The following GON4L variants were observed in gnomAD, a reference collection of about 807,000 sequenced individuals.
GON4L encodes the protein gon-4 like, also known as GON-4-like protein.
In GON4L, 87 loss-of-function variants were observed where a neutral mutation model predicts 211.8. That is an observed-to-expected ratio of 0.41 (90% CI 0.35 to 0.49). The LOEUF is 0.49. Among genes scored for constraint, GON4L ranks in the 20% least tolerant of loss-of-function variants. The pLI is 0.15. For synonymous variants in GON4L, 875 were observed against 962.6 expected (o/e 0.91, Z 1.68); for missense variants, 2,155 against 2,659.5 (o/e 0.81, Z 4.17).
chr1:155,808,371 C>T (rs576094346), intron 10 of GON4L, among the ~76,000 whole-genome samples: 3 of 152,244 alleles, frequency 2.0e-5, no homozygotes, highest in South Asian at 2.1e-4. Context: ...AATCTACACC[C>T]CTTATCATGG....
chr1:155,804,808 T>C (rs822016), intron 11 of GON4L, 141 bp downstream of exon 11: 651,551 of 701,396 alleles, frequency 0.93, 305,046 homozygotes, highest in East Asian at 1. Flanking sequence ...AAAAATTAAC[T>C]ACTGATTTAA....
At chr1:155,749,357 T>C (rs1660383667), downstream of GON4L, 1 of 1,610,046 alleles carries the variant, frequency 6.2e-7, no homozygotes. Context: ...CTCCACCCTC[T>C]GCCCTTCATG....
chr1:155,774,875 A>G lies in GON4L; in HGVS notation c.2350+127T>C. Reference sequence around the variant, plus strand: ...AGTACAAAGGGAGGATAAAAGAGAGAAGGAAGAAATTACAAATGTCCTGTG... The same window carrying G: ...AGTACAAAGGGAGGATAAAAGAGAGGAGGAAGAAATTACAAATGTCCTGTG... On this transcript the variant is annotated intron_variant, in intron 17 of 31. Coordinates refer to ENST00000368331, the MANE Select transcript of GON4L (RefSeq NM_001282860.2). 3.0e-6 allele frequency: 3 copies of G among 986,394 alleles called. No individual in the cohort carries two copies. In the South Asian group the frequency reaches 4.2e-5, roughly 14 times the overall value. 61.1% of individuals were successfully genotyped at this position (986,394 alleles called of 1,614,324 possible).
chr1:155,795,167 G>C lies in GON4L; in HGVS notation c.1646-16C>G. 1 of 1,277,490 alleles carries C rather than the reference G, an allele frequency of 7.8e-7. No homozygotes were observed. Among genetic ancestry groups the C allele is most frequent in the Non-Finnish European group, 1.1e-6 (1 of 873,210 alleles). The allele number at this position is 1,277,490 out of a possible 1,614,324, so 79.1% of individuals were successfully genotyped here. A position where few individuals can be genotyped will look rare whatever the true frequency, so the allele number is the denominator to read the frequency against. ...TCTGCTTCATCTAGGAAAAAAAAGT[G>C]TTTCAGATGCTCATTAACTCTGTTC... On this transcript the variant is annotated splice_polypyrimidine_tract_variant and intron_variant, in intron 11 of 31. Coordinates refer to ENST00000368331, the MANE Select transcript of GON4L (RefSeq NM_001282860.2).
intron 2 of GON4L, among the ~76,000 whole-genome samples, chr1:155,848,147 C>T (rs1028850756): frequency 6.6e-6 from 1 of 152,188 alleles, no homozygotes; most frequent in African/African-American, 2.4e-5. Flanking sequence ...ATTTCCTGTA[C>T]TCTGCTGCTC....
intron 3 of GON4L, among the ~76,000 whole-genome samples, chr1:155,822,917 T>C (rs967394389): frequency 6.6e-6 from 1 of 152,220 alleles, no homozygotes; most frequent in Non-Finnish European, 1.5e-5. Context: ...TGCCTCAGCC[T>C]CCCGAGTAGC....
intron 24 of GON4L, among the ~76,000 whole-genome samples, chr1:155,758,675 T>A (rs1411790754): frequency 6.6e-6 from 1 of 152,082 alleles, no homozygotes; most frequent in Non-Finnish European, 1.5e-5. Flanking sequence ...GGTCAAGAGT[T>A]CGAGACCAGC....
At chr1:155,792,561 G>A (rs1024660167) in intron 12 of GON4L, among the ~76,000 whole-genome samples, 1 of 152,140 alleles carries the variant, frequency 6.6e-6, no homozygotes, top group Non-Finnish European at 1.5e-5. Flanking sequence ...AAAAAGAGTG[G>A]TACGGGAATG....
At chr1:155,855,871 T>C (rs966915294) in intron 1 of GON4L, among the ~76,000 whole-genome samples, 1 of 150,926 alleles carries the variant, frequency 6.6e-6, no homozygotes, top group African/African-American at 2.4e-5. Context: ...AGTCCCAGCT[T>C]CTTGGGAGGC....
Position 155,820,632 on chromosome 1 carries a change from G to A in GON4L, c.988C>T (p.Leu330=), listed in dbSNP as rs1668644340. ...ACTCCTTTTTCCACTACTTCCTTCA[G>A]TTTAGAGCGTGTCATTTTAGGCTCC... is the stretch of plus-strand genomic sequence containing the variant. The part of the protein sequence containing the change: ...MFEPKMTRSK[L]KEVVEKGVVI... The change falls in exon 6 of 32, where the codon CTG becomes TTG. Residue 330 remains leucine, a synonymous_variant. Coordinates refer to ENST00000368331, the MANE Select transcript of GON4L (RefSeq NM_001282860.2). 1.2e-6 allele frequency: 2 copies of A among 1,610,514 alleles called. No homozygotes were observed. The highest frequency in any genetic ancestry group is 4.5e-5 in the East Asian group (2 of 44,836).
Position 155,765,445 on chromosome 1 carries a change from T to C in GON4L, c.4028A>G (p.Asp1343Gly). 1 of 1,614,162 alleles carries C rather than the reference T, an allele frequency of 6.2e-7. No homozygotes were observed. Among genetic ancestry groups the C allele is most frequent in the Non-Finnish European group, 8.5e-7 (1 of 1,180,018 alleles). ...TTCCACTTTGATGTCATCACAAATA[T>C]CACGCTCAGGGGATCCACTGATTTC... ...REEISGSPER[D>G]ICDDIKVEHA... Residue 1343 changes from aspartate (D) to glycine (G), a missense_variant, in exon 21 of 32, where the codon GAT becomes GGT. Coordinates refer to ENST00000368331, the MANE Select transcript of GON4L (RefSeq NM_001282860.2).
At chr1:155,764,946 G>A (rs763380020) in intron 21 of GON4L, 54 bp downstream of exon 21, 4 of 1,613,916 alleles carry the variant, frequency 2.5e-6, no homozygotes, top group South Asian at 2.2e-5. Context: ...ATATCAATAA[G>A]TGATACATAT....
At chr1:155,800,775 C>G (rs754663791) in intron 11 of GON4L, among the ~76,000 whole-genome samples, 10 of 150,632 alleles carry the variant, frequency 6.6e-5, no homozygotes, top group Non-Finnish European at 1.2e-4. Flanking sequence ...TCGCTTGAAC[C>G]CGGGTGGAGG....
intron 2 of GON4L, among the ~76,000 whole-genome samples, chr1:155,848,157 C>G (rs879531052): frequency 6.6e-6 from 1 of 152,190 alleles, no homozygotes; most frequent in Non-Finnish European, 1.5e-5. Flanking sequence ...CTCTGCTGCT[C>G]TAATAAACTT....
chr1:155,848,610 T>A (rs1188311226), intron 2 of GON4L, among the ~76,000 whole-genome samples: 1 of 152,202 alleles, frequency 6.6e-6, no homozygotes, highest in Non-Finnish European at 1.5e-5. Context: ...ATCCTGTGAA[T>A]CCTTCAAGCT....
At chr1:155,789,558 T>C (rs1275908285) in intron 12 of GON4L, among the ~76,000 whole-genome samples, 1 of 152,048 alleles carries the variant, frequency 6.6e-6, no homozygotes, top group Non-Finnish European at 1.5e-5. Flanking sequence ...GGAAGATCGC[T>C]TGACCGCAAG....
intron 24 of GON4L, among the ~76,000 whole-genome samples, chr1:155,759,431 C>CGTG (rs951627117): frequency 3.9e-5 from 6 of 151,938 alleles, no homozygotes; most frequent in Admixed American, 3.3e-4. Flanking sequence ...ATTAGCCAGG[C>CGTG]GTGGTGGTGG....
chr1:155,796,070 G>A (rs1412170806), intron 11 of GON4L, among the ~76,000 whole-genome samples: 7 of 151,910 alleles, frequency 4.6e-5, no homozygotes, highest in African/African-American at 1.2e-4. Context: ...TACTCAACAC[G>A]TACACATATA....
rs58764354 is a variant in GON4L at position 155,750,765 on chromosome 1, CT to C, written c.6577-33del. ...AAGGAGGAGGGCTGTATTCACTGGT[CT>C]TTTTTTTTTGTTTTTGAGACGGAGT... On this transcript the variant is annotated intron_variant, in intron 31 of 31. Transcript: ENST00000368331. The C allele has an allele frequency of 4.2e-3, 5,532 of 1,330,638 alleles. 17 individuals carry two copies. The highest frequency in any genetic ancestry group is 0.023 in the African/African-American group (1,522 of 67,320). 82.4% of individuals were successfully genotyped at this position (1,330,638 alleles called of 1,614,324 possible). A position where few individuals can be genotyped will look rare whatever the true frequency, so the allele number is the denominator to read the frequency against.
Sources: gnomAD v4.1 joint callset for allele counts (sites outside exome capture counted in the v4.1 genomes callset) on GRCh38, gnomAD v4.1.1 for gene constraint, MANE v1.5 for transcripts, NCBI Gene and HGNC (gene_info 2026-07-23, HGNC 2026-07-21) for gene names.